The following FUT8 variants were observed in gnomAD, a reference collection of about 807,000 sequenced individuals.
FUT8 encodes alpha-(1,6)-fucosyltransferase.
FUT8 carries 29 observed loss-of-function variants against 71.3 expected under a neutral mutation model. The observed-to-expected ratio is 0.41, with a 90% CI of 0.30 to 0.55. FUT8 has a LOEUF of 0.55. FUT8 is among the 20% of genes least tolerant of loss of function. The pLI, the probability that FUT8 is intolerant of heterozygous loss-of-function variation, is 0.34. For synonymous variants in FUT8, 254 were observed against 239.3 expected, an observed-to-expected ratio of 1.06 and a Z score of -0.57; for missense variants, 544 against 702.1, an observed-to-expected ratio of 0.77 and a Z score of 2.55.
intron 7 of FUT8, among the ~76,000 whole-genome samples, chr14:65,696,590 GGTTTTATA>G (rs1474211450): frequency 1.3e-5 from 2 of 151,972 alleles, no homozygotes; most frequent in African/African-American, 4.8e-5. Context: ...ATGTTCTCTA[GGTTTTATA>G]GATTTGTGGT....
intron 2 of FUT8, among the ~76,000 whole-genome samples, chr14:65,521,615 G>A (rs1175119429): frequency 6.6e-6 from 1 of 152,200 alleles, no homozygotes; most frequent in Non-Finnish European, 1.5e-5. Flanking sequence ...AAGATCAAAA[G>A]CCCTGTGTTG....
At chr14:65,651,844 A>C (rs1891425130) in intron 6 of FUT8, among the ~76,000 whole-genome samples, 1 of 152,234 alleles carries the variant, frequency 6.6e-6, no homozygotes, top group African/African-American at 2.4e-5. Context: ...TCTGAACAAC[A>C]GAGAGAATAA....
chr14:65,415,840 C>T (rs1362856493), intron 1 of FUT8, among the ~76,000 whole-genome samples: 1 of 152,100 alleles, frequency 6.6e-6, no homozygotes, highest in Non-Finnish European at 1.5e-5. Flanking sequence ...CCTTTGAATA[C>T]GAAGCAGTTG....
chr14:65,368,357 T>G, the FUT8 span, among the ~76,000 whole-genome samples: 2,612 of 126,588 alleles, frequency 0.021, 435 homozygotes, highest in Non-Finnish European at 0.034. Context: ...TTTTTTTTTT[T>G]GGGACAGAGT....
chr14:65,720,536 A>G (rs936373952), intron 7 of FUT8, among the ~76,000 whole-genome samples: 13 of 152,228 alleles, frequency 8.5e-5, no homozygotes, highest in Admixed American at 5.2e-4. Flanking sequence ...AGTGGAAGGA[A>G]GGAGTCTCTT....
At chr14:65,554,426 A>ATATC (rs1885466687) in intron 2 of FUT8, among the ~76,000 whole-genome samples, 1 of 89,772 alleles carries the variant, frequency 1.1e-5, no homozygotes. Context: ...ATATATCTAT[A>ATATC]TATATATTAT....
the FUT8 span, among the ~76,000 whole-genome samples, chr14:65,364,885 C>A: frequency 6.6e-6 from 1 of 152,176 alleles, no homozygotes; most frequent in Non-Finnish European, 1.5e-5. Flanking sequence ...CTGGGCCACA[C>A]TGGATTGCAC....
At position 65,742,204 on chromosome 14, in the gene FUT8, A is replaced by G. The variant is rs199745477; in HGVS notation, c.1522A>G (p.Ile508Val). 6.2e-7 allele frequency: 1 copy of G among 1,613,220 alleles called. No homozygotes were observed. The highest frequency in any genetic ancestry group is 2.2e-5 in the East Asian group (1 of 44,836). Residue 508 changes from isoleucine to valine, a missense_variant, in exon 11 of 11, where the codon ATT becomes GTT. Transcript: ENST00000673929. ...YFGGQNAHNQ[I>V]AIYAHQPRTA... Reference sequence around the variant, plus strand: ...TGGGGGCCAGAATGCCCACAATCAAATTGCCATTTATGCTCACCAACCCCG... The same window carrying G: ...TGGGGGCCAGAATGCCCACAATCAAGTTGCCATTTATGCTCACCAACCCCG...
chr14:65,645,086 C>T (rs1490565058), intron 6 of FUT8, among the ~76,000 whole-genome samples: 5 of 152,190 alleles, frequency 3.3e-5, no homozygotes, highest in Non-Finnish European at 7.3e-5. Context: ...GCTGAAATTA[C>T]GTGCCTTGGA....
intron 7 of FUT8, among the ~76,000 whole-genome samples, chr14:65,678,213 T>C (rs1422664757): frequency 6.6e-6 from 1 of 152,222 alleles, no homozygotes; most frequent in Admixed American, 6.5e-5. Context: ...AGGGCTTCTT[T>C]TAACTTTAAC....
intron 7 of FUT8, among the ~76,000 whole-genome samples, chr14:65,699,691 A>G (rs960597229): frequency 1.3e-5 from 2 of 152,136 alleles, no homozygotes; most frequent in African/African-American, 4.8e-5. Flanking sequence ...TCTGCTCTTC[A>G]TCTCTTGGCA....
At chr14:65,402,926 T>C in the FUT8 span, among the ~76,000 whole-genome samples, 6 of 152,256 alleles carry the variant, frequency 3.9e-5, no homozygotes, top group Non-Finnish European at 8.8e-5. Flanking sequence ...GAGTTGTTTT[T>C]AGAACCTTTA....
chr14:65,550,410 C>A lies in FUT8; in HGVS notation c.-227-10927C>A, dbSNP rs1885224173. Among the ~76,000 whole-genome samples the A allele has an allele frequency of 6.6e-6, 1 of 152,138 alleles. No individual in the cohort carries two copies. Among genetic ancestry groups the A allele is most frequent in the Admixed American group, 6.5e-5 (1 of 15,282 alleles). On this transcript the variant is annotated intron_variant, in intron 2 of 10. Transcript: ENST00000673929. This position sits in a 1 kb window ranked among gnomAD's most constrained non-coding sequence, Gnocchi z 4.5. ...ATATTAGCCTACAGTTGGACAAAAT[C>A]ATTTAACACAAAACTATTTTGTAAT...
chr14:65,718,154 T>C (rs1895218162), intron 7 of FUT8, among the ~76,000 whole-genome samples: 1 of 152,238 alleles, frequency 6.6e-6, no homozygotes, highest in African/African-American at 2.4e-5. Context: ...CTTTCCTTCC[T>C]TTCTATTTTC....
chr14:65,491,555 C>G (rs1404589353), intron 2 of FUT8, among the ~76,000 whole-genome samples: 3 of 151,864 alleles, frequency 2.0e-5, no homozygotes, highest in Non-Finnish European at 4.4e-5. Flanking sequence ...TACTGGAGAA[C>G]TGAAAAGAAT....
chr14:65,374,906 G>A, the FUT8 span, among the ~76,000 whole-genome samples: 2 of 151,828 alleles, frequency 1.3e-5, no homozygotes, highest in African/African-American at 4.8e-5. Context: ...GCTTACCAAG[G>A]GTGAGTTGTA....
chr14:65,538,406 C>T (rs2139947151), intron 2 of FUT8, among the ~76,000 whole-genome samples: 1 of 152,286 alleles, frequency 6.6e-6, no homozygotes, highest in East Asian at 1.9e-4. Flanking sequence ...AGCCCCTGTT[C>T]TTTCAGTGCC....
chr14:65,412,602 T>G, upstream of FUT8: 1 of 308,228 alleles, frequency 3.2e-6, no homozygotes, highest in South Asian at 2.5e-5. Flanking sequence ...TGCTACGCTC[T>G]CCACCGGCGC....
intron 2 of FUT8, among the ~76,000 whole-genome samples, chr14:65,511,450 T>G (rs755086759): frequency 6.6e-6 from 1 of 152,172 alleles, no homozygotes; most frequent in Non-Finnish European, 1.5e-5. Context: ...TCTTTGTTGA[T>G]TCTCTGCCTG....
Sources: gnomAD v4.1 joint callset for allele counts (sites outside exome capture counted in the v4.1 genomes callset) on GRCh38, gnomAD v4.1.1 for gene constraint, Gnocchi (gnomAD v3.1) non-coding constraint, MANE v1.5 for transcripts, NCBI Gene and HGNC (gene_info 2026-07-23, HGNC 2026-07-21) for gene names.